Variants in CMTM8 observed in about 807,000 individuals in gnomAD.
CMTM8 encodes CKLF-like MARVEL transmembrane domain-containing protein 8.
Under a neutral mutation model 18.6 loss-of-function variants are expected in CMTM8, and 12 were observed. That is an observed-to-expected ratio of 0.65 (90% CI 0.41 to 1.05). The LOEUF is 1.05. Ranked by LOEUF, CMTM8 falls within the 50% of genes least tolerant of loss-of-function variation. The pLI is 0.00. For missense variants in CMTM8, 217 were observed against 227.2 expected (o/e 0.95, Z 0.29); for synonymous variants, 87 against 90.6 (o/e 0.96, Z 0.23).
At chr3:32,352,793 C>G (rs758597178) in intron 1 of CMTM8, among the ~76,000 whole-genome samples, 2 of 151,848 alleles carry the variant, frequency 1.3e-5, no homozygotes, top group African/African-American at 2.4e-5. Flanking sequence ...AGTGAAACTT[C>G]CCCAAGCTGT....
intron 1 of CMTM8, among the ~76,000 whole-genome samples, chr3:32,302,327 A>G (rs1695636743): frequency 1.3e-5 from 2 of 152,060 alleles, no homozygotes; most frequent in Admixed American, 1.3e-4. Flanking sequence ...CAAAATAACT[A>G]CCTTGAAGTT....
intron 1 of CMTM8, among the ~76,000 whole-genome samples, chr3:32,318,652 C>T (rs958715798): frequency 5.3e-5 from 8 of 150,962 alleles, no homozygotes; most frequent in East Asian, 3.9e-4. Flanking sequence ...CTGTAAGCTC[C>T]GCCTCCCAGG....
At chr3:32,285,949 A>G (rs1224146404) in intron 1 of CMTM8, among the ~76,000 whole-genome samples, 1 of 152,248 alleles carries the variant, frequency 6.6e-6, no homozygotes, top group East Asian at 1.9e-4. Context: ...AGTTATGGAC[A>G]CAGGTGACTT....
chr3:32,260,545 T>C (rs1218582472), intron 1 of CMTM8, among the ~76,000 whole-genome samples: 1 of 152,232 alleles, frequency 6.6e-6, no homozygotes, highest in Non-Finnish European at 1.5e-5. Context: ...TTGTATGTGC[T>C]TGGGTTCAAC....
rs1422585478 is a variant in CMTM8, at chr3:32,238,826, C to T, written c.-147C>T. ...GGACACCCGCCGCGCCTGGACAGCC[C>T]CCGGCGGGCGCCCCCCTCGCACCTC... On this transcript the variant is annotated 5_prime_UTR_variant, in exon 1 of 4. Transcript: ENST00000307526. 2 of 527,866 alleles carry T rather than the reference C, an allele frequency of 3.8e-6. No individual in the cohort carries two copies. The highest frequency in any genetic ancestry group is 5.7e-6 in the Non-Finnish European group (2 of 352,942). The allele number at this position is 527,866 out of a possible 1,614,324, so 32.7% of individuals were successfully genotyped here.
intron 1 of CMTM8, among the ~76,000 whole-genome samples, chr3:32,345,324 C>A (rs918724189): frequency 7.2e-5 from 11 of 152,154 alleles, no homozygotes; most frequent in Non-Finnish European, 1.2e-4. Flanking sequence ...CCACTGCACT[C>A]CAGCCTGGAC....
At chr3:32,315,137 T>G (rs1329553671) in intron 1 of CMTM8, among the ~76,000 whole-genome samples, 18 of 151,324 alleles carry the variant, frequency 1.2e-4, no homozygotes, top group Admixed American at 1.2e-3. Flanking sequence ...TCTTTTTTTT[T>G]TTTTCTTTTT....
chr3:32,330,055 ACAC>A (rs1191192792), intron 1 of CMTM8, among the ~76,000 whole-genome samples: 1 of 151,922 alleles, frequency 6.6e-6, no homozygotes, highest in African/African-American at 2.4e-5. Context: ...AAACTACAAA[ACAC>A]TGCTGAAAGA....
intron 1 of CMTM8, among the ~76,000 whole-genome samples, chr3:32,319,060 A>ACATATATATATG (rs1426962813): frequency 1.0e-4 from 4 of 38,796 alleles, no homozygotes; most frequent in African/African-American, 4.3e-4. Context: ...GTATATACAT[A>ACATATATATATG]TATATATATA....
intron 1 of CMTM8, among the ~76,000 whole-genome samples, chr3:32,341,289 C>T (rs1254092375): frequency 6.6e-6 from 1 of 152,204 alleles, no homozygotes; most frequent in Non-Finnish European, 1.5e-5. Flanking sequence ...TGCCCAGAAC[C>T]TTGCACGTGA....
rs965050065 is a variant in CMTM8, at chr3:32,367,943, C to A, written c.393C>A (p.Ser131=). The A allele has an allele frequency of 6.2e-7, 1 of 1,614,074 alleles. No individual in the cohort carries two copies. The highest frequency in any genetic ancestry group is 1.3e-5 in the African/African-American group (1 of 75,036). Residue 131 remains serine, a synonymous_variant, in exon 3 of 4, where the codon TCC becomes TCA. Transcript: ENST00000307526. ...CTGTTGTAGATGCATCTTCCGTCTC[C>A]CCTGAGAGGGACAGTCACAACTTCA... The part of the protein sequence containing the change: ...SAAVVDASSV[S]PERDSHNFNS...
chr3:32,292,607 A>G (rs1702799199), intron 1 of CMTM8, among the ~76,000 whole-genome samples: 1 of 152,042 alleles, frequency 6.6e-6, no homozygotes, highest in African/African-American at 2.4e-5. Flanking sequence ...CTTTCTTTGG[A>G]TAAACAAAGG....
At chr3:32,285,319 A>C (rs974320375) in intron 1 of CMTM8, among the ~76,000 whole-genome samples, 1 of 152,168 alleles carries the variant, frequency 6.6e-6, no homozygotes, top group Middle Eastern at 3.2e-3. Flanking sequence ...GTTTGAGACC[A>C]GCCTGGGCAA....
At chr3:32,253,543 G>A (rs1456250038) in intron 1 of CMTM8, among the ~76,000 whole-genome samples, 1 of 151,894 alleles carries the variant, frequency 6.6e-6, no homozygotes, top group Non-Finnish European at 1.5e-5. Context: ...AGTAGCGACA[G>A]GGTTTCACCA....
chr3:32,333,717 G>A (rs1455600193), intron 1 of CMTM8, among the ~76,000 whole-genome samples: 1 of 151,782 alleles, frequency 6.6e-6, no homozygotes, highest in East Asian at 1.9e-4. Flanking sequence ...TGATGCAGGT[G>A]AAAGATGAAT....
At chr3:32,331,613 T>TAACC (rs2125584050) in intron 1 of CMTM8, among the ~76,000 whole-genome samples, 1 of 149,724 alleles carries the variant, frequency 6.7e-6, no homozygotes, top group South Asian at 2.1e-4. Flanking sequence ...TTATTCACAA[T>TAACC]AACCAAGAGT....
At chr3:32,333,104 C>T (rs1461876433) in intron 1 of CMTM8, among the ~76,000 whole-genome samples, 1 of 152,202 alleles carries the variant, frequency 6.6e-6, no homozygotes, top group Non-Finnish European at 1.5e-5. Flanking sequence ...GTTGCAACTA[C>T]TCCACTGTGT....
intron 1 of CMTM8, among the ~76,000 whole-genome samples, chr3:32,300,468 A>G (rs1351381713): frequency 6.6e-6 from 1 of 152,092 alleles, no homozygotes; most frequent in African/African-American, 2.4e-5. Flanking sequence ...AGGGATTCTA[A>G]TATCTGTGCT....
intron 2 of CMTM8, among the ~76,000 whole-genome samples, chr3:32,361,986 C>T (rs1354916952): frequency 6.6e-6 from 1 of 151,436 alleles, no homozygotes; most frequent in Non-Finnish European, 1.5e-5. Flanking sequence ...GCCTTGTGAG[C>T]TCCAGAGAGC....
Sources: gnomAD v4.1 joint callset for allele counts (sites outside exome capture counted in the v4.1 genomes callset) on GRCh38, gnomAD v4.1.1 for gene constraint, MANE v1.5 for transcripts, NCBI Gene and HGNC (gene_info 2026-07-23, HGNC 2026-07-21) for gene names.